Variants in EIF2B1 observed in about 807,000 individuals in gnomAD.
The protein encoded by EIF2B1 is eukaryotic translation initiation factor 2B subunit alpha, also known as translation initiation factor eIF2B subunit alpha.
In EIF2B1, 30 loss-of-function variants were observed where a neutral mutation model predicts 36.8. The observed-to-expected ratio is 0.81, with a 90% CI of 0.61 to 1.10. The LOEUF (loss-of-function observed/expected upper bound fraction) is 1.10, where lower values mean the gene tolerates loss of function less well. Among genes scored for constraint, EIF2B1 ranks in the 50% least tolerant of loss-of-function variants. The probability of loss-of-function intolerance (pLI) is 0.00; values close to 1 mark genes in which losing one functional copy is unlikely to be tolerated. For missense variants in EIF2B1, 271 were observed against 374.8 expected (o/e 0.72, Z 2.29); for synonymous variants, 139 against 142.2 (o/e 0.98, Z 0.16).
intron 4 of EIF2B1, among the ~76,000 whole-genome samples, chr12:123,627,816 TG>T (rs1266928406): frequency 6.6e-6 from 1 of 152,166 alleles, no homozygotes; most frequent in Non-Finnish European, 1.5e-5. Flanking sequence ...ATCATGCCAG[TG>T]CACTCTAGTC....
At chr12:123,633,427 C>T (rs891725247) in intron 1 of EIF2B1, 118 bp downstream of exon 1, 2 of 1,474,316 alleles carry the variant, frequency 1.4e-6, no homozygotes, top group East Asian at 2.3e-5. Context: ...ACACAACCAG[C>T]GGAGCAGCCT....
In EIF2B1 at chr12:123,621,398, T is replaced by C. The variant is rs1413488960; in HGVS notation, c.*358A>G. 1 of 349,748 alleles carries C rather than the reference T, an allele frequency of 2.9e-6. No individual in the cohort carries two copies. Among genetic ancestry groups the C allele is most frequent in the Non-Finnish European group, 5.6e-6 (1 of 179,398 alleles). 21.7% of individuals were successfully genotyped at this position (349,748 alleles called of 1,614,324 possible). ...GGGGTGTGGCTGCTTTTCGCCTGCA[T>C]CTCGCGTGCTTTAGGCAGATCAGTC... On this transcript the variant is annotated 3_prime_UTR_variant, in exon 9 of 9. Transcript: ENST00000424014.
chr12:123,624,040 T>A (rs940816089), intron 7 of EIF2B1, among the ~76,000 whole-genome samples: 4 of 149,932 alleles, frequency 2.7e-5, no homozygotes, highest in African/African-American at 7.3e-5. Context: ...GTCTCTATTT[T>A]AAAATATATA....
At chr12:123,629,909 CACTT>C (rs1955175269) in intron 4 of EIF2B1, 1 of 561,536 alleles carries the variant, frequency 1.8e-6, no homozygotes, top group Admixed American at 3.0e-5. Context: ...ATTCATGCAG[CACTT>C]ACTAAGTGCC....
At position 123,620,619 on chromosome 12, in the gene EIF2B1, T is replaced by TATATATAA. The variant is rs1555284664; in HGVS notation, c.*1136_*1137insTTATATAT. Reference sequence around the variant, plus strand: ...ATATATATATATATATATATATATATATATATATAAGCTCTTTTTTCTGAG... The same window carrying TATATATAA: ...ATATATATATATATATATATATATATATATATAAATATATATAAGCTCTTTTTTCTGAG... On this transcript the variant is annotated 3_prime_UTR_variant, in exon 9 of 9. Coordinates refer to ENST00000424014, the MANE Select transcript of EIF2B1 (RefSeq NM_001414.4). The TATATATAA allele has an allele frequency of 2.7e-4, 32 of 120,552 alleles. No homozygotes were observed. The highest frequency in any genetic ancestry group is 1.1e-3 in the African/African-American group (30 of 27,304). The allele number at this position is 120,552 out of a possible 1,614,324, so 7.5% of individuals were successfully genotyped here.
At chr12:123,623,585 G>A (rs1163517573) in intron 7 of EIF2B1, among the ~76,000 whole-genome samples, 9 of 151,936 alleles carry the variant, frequency 5.9e-5, no homozygotes, top group Admixed American at 5.9e-4. Context: ...CGATTCTCCT[G>A]CGTCAGCCTG....
intron 7 of EIF2B1, among the ~76,000 whole-genome samples, chr12:123,624,585 G>C (rs1955134326): frequency 6.6e-6 from 1 of 152,120 alleles, no homozygotes; most frequent in Non-Finnish European, 1.5e-5. Flanking sequence ...CATTTATGTA[G>C]ATCAATCTAA....
Position 123,630,379 on chromosome 12 carries a change from G to A in EIF2B1, c.252+18C>T. The A allele has an allele frequency of 6.2e-7, 1 of 1,614,122 alleles. No individual in the cohort carries two copies. Among genetic ancestry groups the A allele is most frequent in the Non-Finnish European group, 8.5e-7 (1 of 1,180,016 alleles). ...ACAGAGAAGTGGAAAGGTAACCCCA[G>A]GGAGAACAGGCACTTACGGAGTATT... On this transcript the variant is annotated intron_variant, in intron 3 of 8. Transcript: ENST00000424014. This position sits in a 1 kb window ranked among gnomAD's most constrained non-coding sequence, Gnocchi z 4.6.
chr12:123,622,611 C>A, intron 8 of EIF2B1, 25 bp downstream of exon 8: 1 of 1,613,584 alleles, frequency 6.2e-7, no homozygotes, highest in South Asian at 1.1e-5. Flanking sequence ...ACTTTAGTAC[C>A]CCTTCAAATA....
intron 7 of EIF2B1, among the ~76,000 whole-genome samples, chr12:123,623,129 C>T (rs1246970152): frequency 1.3e-5 from 2 of 151,994 alleles, no homozygotes; most frequent in African/African-American, 4.8e-5. Flanking sequence ...GCCTGTAATC[C>T]CAGCACTTTG....
chr12:123,626,449 G>C lies in EIF2B1; in HGVS notation c.527C>G (p.Thr176Ser), dbSNP rs1358449925. Residue 176 changes from threonine (T) to serine (S), a missense_variant, in exon 6 of 9, where the codon ACT becomes AGT. Coordinates refer to ENST00000424014, the MANE Select transcript of EIF2B1 (RefSeq NM_001414.4). The stretch of plus-strand genomic sequence containing the variant: ...CCCGACAGCAGCATCTAGCACCACA[G>C]TGACAGGGACGTTGAGGTGGCAGAG... ...KALCHLNVPV[T>S]VVLDAAVGYI... is the part of the protein sequence containing the mutation. The C allele has an allele frequency of 6.2e-7, 1 of 1,614,204 alleles. No homozygotes were observed. The highest frequency in any genetic ancestry group is 8.5e-7 in the Non-Finnish European group (1 of 1,180,008).
intron 5 of EIF2B1, 25 bp from the exon 6 acceptor site, chr12:123,626,518 T>C (rs1955149952): frequency 6.2e-7 from 1 of 1,613,556 alleles, no homozygotes; most frequent in Non-Finnish European, 8.5e-7. Context: ...TTGAGAACGT[T>C]AGAGAAAGTA....
intron 6 of EIF2B1, among the ~76,000 whole-genome samples, chr12:123,625,489 A>G (rs1370810319): frequency 6.6e-6 from 1 of 152,152 alleles, no homozygotes; most frequent in Admixed American, 6.5e-5. Flanking sequence ...CTCAGGTATG[A>G]GCCACTGTGC....
At chr12:123,631,929 G>A (rs1429123290) in intron 2 of EIF2B1, among the ~76,000 whole-genome samples, 1 of 150,152 alleles carries the variant, frequency 6.7e-6, no homozygotes, top group Non-Finnish European at 1.5e-5. Flanking sequence ...AGCCGAGATT[G>A]TGCCATTGCA....
chr12:123,632,722 G>A (rs1212878623), intron 1 of EIF2B1, among the ~76,000 whole-genome samples: 1 of 151,892 alleles, frequency 6.6e-6, no homozygotes, highest in Non-Finnish European at 1.5e-5. Context: ...CGAGGCGGGC[G>A]GATCACGAGG....
intron 6 of EIF2B1, among the ~76,000 whole-genome samples, chr12:123,625,075 C>CT (rs1334352980): frequency 6.6e-6 from 1 of 152,120 alleles, no homozygotes. Flanking sequence ...ACACTTCACA[C>CT]TGCCGCCCGG....
chr12:123,625,666 T>TA (rs761108001), intron 6 of EIF2B1, among the ~76,000 whole-genome samples: 11 of 152,248 alleles, frequency 7.2e-5, no homozygotes, highest in Non-Finnish European at 8.8e-5. Flanking sequence ...TCTTGGGAAA[T>TA]ACACTGACAA....
rs1291390498 is a variant in EIF2B1, at chr12:123,624,796, A to C, written c.618T>G (p.Ile206Met). 1 of 1,613,846 alleles carries C rather than the reference A, an allele frequency of 6.2e-7. No individual in the cohort carries two copies. The highest frequency in any genetic ancestry group is 1.3e-5 in the African/African-American group (1 of 74,910). Residue 206 changes from isoleucine to methionine, a missense_variant, in exon 7 of 9, where the codon ATT (isoleucine) becomes ATG (methionine). Physicochemically the swap from Ile to Met is conservative, Grantham distance 10 (BLOSUM62 1). Coordinates refer to ENST00000424014, the MANE Select transcript of EIF2B1 (RefSeq NM_001414.4). ...GAEGVVENGG[I>M]INKIGTNQMA... Reference sequence around the variant, plus strand: ...GAACTGATGCTCTTACCTTGTTAATAATTCCTCCGTTTTCAACAACTCCTT... The same window carrying C: ...GAACTGATGCTCTTACCTTGTTAATCATTCCTCCGTTTTCAACAACTCCTT...
chr12:123,620,580 T>TTATATATATATA lies in EIF2B1; in HGVS notation c.*1164_*1175dup, dbSNP rs68169681. 15 of 65,346 alleles carry TTATATATATATA rather than the reference T, an allele frequency of 2.3e-4. No individual in the cohort carries two copies. Among genetic ancestry groups the TTATATATATATA allele is most frequent in the East Asian group, 1.4e-3 (1 of 724 alleles). The allele number at this position is 65,346 out of a possible 1,614,324, so 4.0% of individuals were successfully genotyped here. ...GGTCACATATAGACATATGTACATA[T>TTATATATATATA]TATATATATATATATATATATATAT... On this transcript the variant is annotated 3_prime_UTR_variant, in exon 9 of 9. Transcript: ENST00000424014.
Sources: allele counts gnomAD v4.1 joint callset (sites outside exome capture counted in the v4.1 genomes callset), GRCh38; gene constraint gnomAD v4.1.1; non-coding constraint Gnocchi (gnomAD v3.1); transcripts MANE v1.5; gene names NCBI Gene and HGNC (gene_info 2026-07-23, HGNC 2026-07-21).